Variants in FAM227B observed in about 807,000 individuals in gnomAD.
The protein encoded by FAM227B is protein FAM227B.
Under a neutral mutation model 73.8 loss-of-function variants are expected in FAM227B, and 88 were observed. The ratio of observed to expected loss-of-function variants is 1.19; its 90% CI spans 1.00 to 1.42. The LOEUF is 1.42. Among genes scored for constraint, FAM227B ranks in the 40% most tolerant of loss-of-function variants. The pLI, the probability that FAM227B is intolerant of heterozygous loss-of-function variation, is 0.00. For synonymous variants in FAM227B, 210 were observed against 190.5 expected, an observed-to-expected ratio of 1.10 and a Z score of -0.84; for missense variants, 632 against 590.9, an observed-to-expected ratio of 1.07 and a Z score of -0.72.
chr15:49,467,773 C>T (rs1167740559), intron 11 of FAM227B, among the ~76,000 whole-genome samples: 1 of 152,084 alleles, frequency 6.6e-6, no homozygotes, highest in African/African-American at 2.4e-5. Flanking sequence ...AGTATTTCCT[C>T]CTGTCTGATT....
chr15:49,335,273 T>C (rs1224089479), intron 14 of FAM227B, 146 bp downstream of exon 14: 3 of 586,336 alleles, frequency 5.1e-6, no homozygotes, highest in Non-Finnish European at 6.1e-6. Context: ...CCTTGACACT[T>C]ACCTGAAAAG....
chr15:49,550,709 C>T (rs2072850917), intron 9 of FAM227B, among the ~76,000 whole-genome samples: 1 of 151,934 alleles, frequency 6.6e-6, no homozygotes, highest in African/African-American at 2.4e-5. Flanking sequence ...ACGCTCCTCA[C>T]TTCCTAGATG....
intron 11 of FAM227B, chr15:49,424,398 A>T (rs779375910): frequency 6.2e-7 from 1 of 1,613,730 alleles, no homozygotes; most frequent in South Asian, 1.1e-5. Flanking sequence ...GCTTGCAATG[A>T]CATGACTCCA....
At chr15:49,454,797 C>G (rs1486896721) in intron 11 of FAM227B, among the ~76,000 whole-genome samples, 1 of 151,820 alleles carries the variant, frequency 6.6e-6, no homozygotes, top group East Asian at 1.9e-4. Context: ...TTTTAGTAGA[C>G]ACAGGGTTTC....
intron 10 of FAM227B, among the ~76,000 whole-genome samples, chr15:49,523,530 T>C (rs2059932769): frequency 6.6e-6 from 1 of 152,214 alleles, no homozygotes; most frequent in South Asian, 2.1e-4. Flanking sequence ...GTCTCGTGTA[T>C]GTCTTTATTA....
chr15:49,328,458 CTT>C lies in FAM227B; in HGVS notation c.*108_*109del, dbSNP rs934945732. ...TTAAAGATGAATGGTAAAACACACT[CTT>C]AATACTGATTACATGGATTGGACTT... is the stretch of plus-strand genomic sequence containing the variant. On this transcript the variant is annotated 3_prime_UTR_variant, in exon 16 of 16. Coordinates refer to ENST00000299338, the MANE Select transcript of FAM227B (RefSeq NM_152647.3). The C allele has an allele frequency of 6.6e-5, 99 of 1,509,948 alleles. No individual in the cohort carries two copies. In the African/African-American group the frequency reaches 8.3e-4, roughly 13 times the overall value. The allele number at this position is 1,509,948 out of a possible 1,614,324, so 93.5% of individuals were successfully genotyped here.
intron 11 of FAM227B, among the ~76,000 whole-genome samples, chr15:49,468,908 T>C (rs1281386677): frequency 6.6e-6 from 1 of 152,144 alleles, no homozygotes; most frequent in Non-Finnish European, 1.5e-5. Context: ...TTTGGGCTTT[T>C]TCTATTTCAC....
intron 9 of FAM227B, among the ~76,000 whole-genome samples, chr15:49,561,581 T>C: frequency 1.3e-5 from 2 of 152,106 alleles, no homozygotes; most frequent in East Asian, 3.8e-4. Flanking sequence ...CATCTTCACA[T>C]AGAACATACT....
chr15:49,398,893 G>T, intron 11 of FAM227B, among the ~76,000 whole-genome samples: 1 of 71,436 alleles, frequency 1.4e-5, no homozygotes, highest in Non-Finnish European at 3.0e-5. Context: ...ACAAGAGAAG[G>T]CAGGAAAGAT....
intron 11 of FAM227B, among the ~76,000 whole-genome samples, chr15:49,419,894 T>C (rs1436606188): frequency 1.3e-5 from 2 of 152,194 alleles, no homozygotes; most frequent in Admixed American, 6.5e-5. Flanking sequence ...CCACTTATTA[T>C]AGATACTCAT....
At chr15:49,410,845 T>A (rs1157386783) in intron 11 of FAM227B, among the ~76,000 whole-genome samples, 1 of 152,070 alleles carries the variant, frequency 6.6e-6, no homozygotes, top group Non-Finnish European at 1.5e-5. Context: ...GGAAACCAGA[T>A]GTGTTTTTCA....
At chr15:49,502,975 T>C (rs191964013) in intron 11 of FAM227B, among the ~76,000 whole-genome samples, 8 of 152,316 alleles carry the variant, frequency 5.3e-5, no homozygotes, top group Non-Finnish European at 8.8e-5. Context: ...AAGTCAATCC[T>C]AAGCCAAAAG....
Position 49,549,990 on chromosome 15 carries a change from GGC to G in FAM227B, c.748-8186_748-8185del, listed in dbSNP as rs1323128033. Among the ~76,000 whole-genome samples, 41 of 118,368 alleles carry G rather than the reference GGC, an allele frequency of 3.5e-4. 2 individuals are homozygous for G. The highest frequency in any genetic ancestry group is 5.5e-4 in the Non-Finnish European group (26 of 47,214). 77.7% of individuals were successfully genotyped at this position (118,368 alleles called of 152,430 possible). ...ACCCCCCCACCTCCCTCCCAGACGG[GGC>G]GGCTGGCCGGGCAGGGGGCTGACCC... On this transcript the variant is annotated intron_variant, in intron 9 of 15. Coordinates refer to ENST00000299338, the MANE Select transcript of FAM227B (RefSeq NM_152647.3).
At chr15:49,556,825 C>T (rs56335122) in intron 9 of FAM227B, among the ~76,000 whole-genome samples, 49,827 of 152,008 alleles carry the variant, frequency 0.33, 8,951 homozygotes, top group African/African-American at 0.46. Context: ...CAGACATTCC[C>T]GCACTAATCC....
At chr15:49,585,767 C>T (rs1354608225) in intron 5 of FAM227B, among the ~76,000 whole-genome samples, 1 of 152,280 alleles carries the variant, frequency 6.6e-6, no homozygotes, top group East Asian at 1.9e-4. Flanking sequence ...GTGTGCAACA[C>T]ACCAACATGG....
At chr15:49,533,171 T>TA (rs1219155622) in intron 10 of FAM227B, among the ~76,000 whole-genome samples, 1 of 151,820 alleles carries the variant, frequency 6.6e-6, no homozygotes, top group Non-Finnish European at 1.5e-5. Context: ...TCAGTTTCTA[T>TA]ATATTTATAA....
chr15:49,538,688 C>T (rs977471612), intron 10 of FAM227B, among the ~76,000 whole-genome samples: 3 of 151,950 alleles, frequency 2.0e-5, no homozygotes, highest in Non-Finnish European at 4.4e-5. Context: ...TTTCAATTGA[C>T]CTGTCTTAGA....
At chr15:49,342,446 T>C (rs1201388529) in intron 13 of FAM227B, among the ~76,000 whole-genome samples, 2 of 152,180 alleles carry the variant, frequency 1.3e-5, no homozygotes, top group African/African-American at 2.4e-5. Flanking sequence ...AAGGGTCTCT[T>C]GAAGACAGCA....
chr15:49,433,007 C>T (rs190779115), intron 11 of FAM227B, among the ~76,000 whole-genome samples: 6 of 151,338 alleles, frequency 4.0e-5, no homozygotes, highest in South Asian at 2.1e-4. Context: ...TTTTACTTTT[C>T]GAAAAAGTAG....
Sources: allele counts gnomAD v4.1 joint callset (sites outside exome capture counted in the v4.1 genomes callset), GRCh38; gene constraint gnomAD v4.1.1; transcripts MANE v1.5; gene names NCBI Gene and HGNC (gene_info 2026-07-23, HGNC 2026-07-21).